Variants in RAPGEF2 observed in about 807,000 individuals in gnomAD.
RAPGEF2 encodes the protein PDZ domain containing guanine nucleotide exchange factor (GEF) 1.
A neutral mutation model predicts 186.7 loss-of-function variants in RAPGEF2; 54 were observed. That is an observed-to-expected ratio of 0.29 (90% confidence interval 0.23 to 0.36). The LOEUF (loss-of-function observed/expected upper bound fraction) is 0.36, where lower values mean the gene tolerates loss of function less well. Ranked by LOEUF, RAPGEF2 falls within the 10% of genes least tolerant of loss-of-function variation. The pLI, the probability that RAPGEF2 is intolerant of heterozygous loss-of-function variation, is 1.00. For synonymous variants in RAPGEF2, 712 were observed against 705.9 expected (o/e 1.01, Z -0.14); for missense variants, 1,532 against 2,045.0 (o/e 0.75, Z 4.84).
chr4:159,288,968 A>T (rs1760846093), intron 7 of RAPGEF2, among the ~76,000 whole-genome samples: 1 of 152,170 alleles, frequency 6.6e-6, no homozygotes, highest in Non-Finnish European at 1.5e-5. Context: ...AGTCTTAAAT[A>T]GTATCCTCTC....
intron 17 of RAPGEF2, 62 bp downstream of exon 17, chr4:159,332,759 A>G: frequency 2.6e-6 from 4 of 1,552,082 alleles, no homozygotes; most frequent in Non-Finnish European, 3.5e-6. Flanking sequence ...ATGCAAAGAT[A>G]GTGATGTAAT....
intron 7 of RAPGEF2, among the ~76,000 whole-genome samples, chr4:159,268,956 A>G (rs879942632): frequency 8.5e-5 from 13 of 152,200 alleles, no homozygotes; most frequent in Admixed American, 7.9e-4. Flanking sequence ...ACATAAATAT[A>G]TTCAATCGTG....
intron 8 of RAPGEF2, among the ~76,000 whole-genome samples, chr4:159,312,304 T>C (rs879534907): frequency 1.3e-5 from 2 of 152,140 alleles, no homozygotes; most frequent in Non-Finnish European, 2.9e-5. Context: ...TTTGAAAATA[T>C]AAGGTGATGA....
intron 11 of RAPGEF2, among the ~76,000 whole-genome samples, chr4:159,325,404 T>C (rs1344145370): frequency 6.6e-6 from 1 of 152,150 alleles, no homozygotes; most frequent in Non-Finnish European, 1.5e-5. Flanking sequence ...TAAAGGGAAT[T>C]ATATATGCTG....
At chr4:159,171,877 A>G (rs1745941338) in intron 1 of RAPGEF2, among the ~76,000 whole-genome samples, 1 of 152,160 alleles carries the variant, frequency 6.6e-6, no homozygotes, top group Admixed American at 6.5e-5. Context: ...TTGGATTTTC[A>G]TCAAGCCAAG....
At chr4:159,299,870 T>A (rs1333034419) in intron 7 of RAPGEF2, among the ~76,000 whole-genome samples, 1 of 151,896 alleles carries the variant, frequency 6.6e-6, no homozygotes, top group Non-Finnish European at 1.5e-5. Context: ...AGCATCTGTT[T>A]GTCCTACATA....
intron 7 of RAPGEF2, among the ~76,000 whole-genome samples, chr4:159,287,776 TTTTCTG>T (rs1760697305): frequency 1.3e-5 from 2 of 152,176 alleles, no homozygotes; most frequent in African/African-American, 2.4e-5. Context: ...AAATTAATAT[TTTTCTG>T]TGATATAAAA....
intron 1 of RAPGEF2, among the ~76,000 whole-genome samples, chr4:159,146,270 G>A (rs1159703072): frequency 6.6e-6 from 1 of 151,960 alleles, no homozygotes; most frequent in Non-Finnish European, 1.5e-5. Flanking sequence ...TTAGTTGGAT[G>A]TGTATATTTA....
intron 1 of RAPGEF2, among the ~76,000 whole-genome samples, chr4:159,167,004 G>A (rs1420434530): frequency 6.6e-6 from 1 of 152,004 alleles, no homozygotes; most frequent in Non-Finnish European, 1.5e-5. Context: ...AATGACTTGG[G>A]GTCCTTTAAT....
intron 7 of RAPGEF2, among the ~76,000 whole-genome samples, chr4:159,300,802 C>T (rs914905541): frequency 2.6e-5 from 4 of 152,108 alleles, no homozygotes; most frequent in Non-Finnish European, 5.9e-5. Context: ...CTTGCTGTCA[C>T]GTTGTGCCTT....
intron 4 of RAPGEF2, among the ~76,000 whole-genome samples, chr4:159,230,877 G>A (rs1752557734): frequency 6.6e-6 from 1 of 152,068 alleles, no homozygotes; most frequent in Non-Finnish European, 1.5e-5. Flanking sequence ...TATTTAGTGA[G>A]TTTTTCTGTA....
chr4:159,150,983 A>C (rs1743474531), intron 1 of RAPGEF2, among the ~76,000 whole-genome samples: 1 of 152,212 alleles, frequency 6.6e-6, no homozygotes, highest in Non-Finnish European at 1.5e-5. Flanking sequence ...GAGGGTGACC[A>C]AGTAATGGGA....
intron 4 of RAPGEF2, chr4:159,228,432 A>G (rs892722501): frequency 6.6e-6 from 1 of 152,202 alleles, no homozygotes; most frequent in Admixed American, 6.5e-5. Context: ...TAAATAGACA[A>G]CAAACTACTG....
At chr4:159,112,281 G>T (rs771894631) in intron 1 of RAPGEF2, among the ~76,000 whole-genome samples, 12 of 152,132 alleles carry the variant, frequency 7.9e-5, no homozygotes, top group Non-Finnish European at 1.3e-4. Flanking sequence ...GTGATAATGC[G>T]TATAAATATA....
chr4:159,205,152 A>G (rs1270047260), intron 3 of RAPGEF2, among the ~76,000 whole-genome samples: 5 of 152,102 alleles, frequency 3.3e-5, no homozygotes, highest in South Asian at 2.1e-4. Flanking sequence ...ATTTTTTCTG[A>G]AAGTTTTTCA....
chr4:159,159,551 T>G (rs986848819), intron 1 of RAPGEF2, among the ~76,000 whole-genome samples: 5 of 150,964 alleles, frequency 3.3e-5, no homozygotes, highest in African/African-American at 1.2e-4. Context: ...TAAGTACATA[T>G]AGTGGGATCA....
rs535794614 is a variant in RAPGEF2 at position 159,223,665 on chromosome 4, A to T, written c.281+13082A>T. 1.4e-4 allele frequency among the ~76,000 whole-genome samples: 22 copies of T among 152,338 alleles called. 1 individual carries two copies. Among genetic ancestry groups the T allele is most frequent in the African/African-American group, 4.8e-4 (20 of 41,568 alleles). Reference sequence around the variant, plus strand: ...CTAAATCAGATACATTTTAGGATGAACGTGTATATACTCTAGCGTATACGT... The same window carrying T: ...CTAAATCAGATACATTTTAGGATGATCGTGTATATACTCTAGCGTATACGT... On this transcript the variant is annotated intron_variant, in intron 4 of 29. Transcript: ENST00000691494.
chr4:159,273,857 G>A (rs1056919982), intron 7 of RAPGEF2, among the ~76,000 whole-genome samples: 14 of 152,062 alleles, frequency 9.2e-5, no homozygotes, highest in Non-Finnish European at 1.9e-4. Flanking sequence ...CAGTGGCGCA[G>A]TCTTGGCTCA....
At chr4:159,284,656 G>A (rs1466938679) in intron 7 of RAPGEF2, among the ~76,000 whole-genome samples, 1 of 151,936 alleles carries the variant, frequency 6.6e-6, no homozygotes, top group Non-Finnish European at 1.5e-5. Context: ...TTCATTTTTG[G>A]TTCAGTTCAC....
Sources: allele counts gnomAD v4.1 joint callset (sites outside exome capture counted in the v4.1 genomes callset), GRCh38; gene constraint gnomAD v4.1.1; transcripts MANE v1.5; gene names NCBI Gene and HGNC (gene_info 2026-07-23, HGNC 2026-07-21).